The following PSG5 variants were observed in gnomAD, a reference collection of about 807,000 sequenced individuals.
The protein encoded by PSG5 is pregnancy specific beta-1-glycoprotein 5, also known as pregnancy-specific beta-1-glycoprotein 5.
PSG5 carries 53 observed loss-of-function variants against 37.7 expected under a neutral mutation model. The observed-to-expected ratio is 1.41, with a 90% CI of 1.13 to 1.77. PSG5 has a LOEUF of 1.77. Among genes scored for constraint, PSG5 ranks in the 40% most tolerant of loss-of-function variants. The pLI, the probability that PSG5 is intolerant of heterozygous loss-of-function variation, is 0.00. For missense variants in PSG5, 547 were observed against 405.2 expected (o/e 1.35, Z -3.00); for synonymous variants, 221 against 155.4 (o/e 1.42, Z -3.14).
chr19:43,169,761 T>C lies in PSG5; in HGVS notation c.*40+294A>G, dbSNP rs185811121. ...TATGGGAGTGTAGAGAATTACACTA[T>C]TGAGAGATGTTAAAAATAATGAAGA... is the stretch of plus-strand genomic sequence containing the variant. On this transcript the variant is annotated intron_variant, in intron 5 of 5. Coordinates refer to ENST00000342951, the MANE Select transcript of PSG5 (RefSeq NM_002781.4). 5.2e-3 allele frequency among the ~76,000 whole-genome samples: 782 copies of C among 151,666 alleles called. 18 individuals carry two copies. The highest frequency in any genetic ancestry group is 0.024 in the Middle Eastern group (7 of 294).
chr19:43,182,997 C>G (rs1046855625), intron 2 of PSG5, among the ~76,000 whole-genome samples: 7 of 150,740 alleles, frequency 4.6e-5, no homozygotes, highest in East Asian at 1.9e-4. Flanking sequence ...AACAGCCAGC[C>G]TAGTTAGAGG....
rs1319979698 is a variant in PSG5 at position 43,174,176 on chromosome 19, A to G, written c.964+1039T>C. On this transcript the variant is annotated intron_variant, in intron 4 of 5. Coordinates refer to ENST00000342951, the MANE Select transcript of PSG5 (RefSeq NM_002781.4). ...AGTTAGAATAGCCAGTTACATAGAG[A>G]CAGAATGTAGAATGGTGTGTGCTAA... 6 of 152,040 alleles carry G rather than the reference A, an allele frequency of 3.9e-5. 1 individual carries two copies. The South Asian group carries it at 1.0e-3, about 26-fold the overall frequency. 9.4% of individuals were successfully genotyped at this position (152,040 alleles called of 1,614,324 possible).
intron 5 of PSG5, among the ~76,000 whole-genome samples, chr19:43,168,916 T>A (rs1465772232): frequency 2.0e-5 from 3 of 151,598 alleles, no homozygotes; most frequent in Non-Finnish European, 4.4e-5. Context: ...TACTTCTAGC[T>A]GAAAATCATT....
chr19:43,182,862 C>A (rs1480463568), intron 2 of PSG5, among the ~76,000 whole-genome samples: 1 of 148,044 alleles, frequency 6.8e-6, no homozygotes, highest in Non-Finnish European at 1.5e-5. Context: ...AGCTCATTCT[C>A]TTAGTGACCT....
intron 4 of PSG5, among the ~76,000 whole-genome samples, chr19:43,171,983 C>CAAAAAAAAAAAAAAAAAAAAAAA (rs60198220): frequency 1.9e-5 from 2 of 105,138 alleles, no homozygotes; most frequent in African/African-American, 7.2e-5. Context: ...TCCCTCTCTT[C>CAAAAAAAAAAAAAAAAAAAAAAA]AAAAAAAAAA....
chr19:43,174,301 A>T (rs1968959596), intron 4 of PSG5: 6 of 376,488 alleles, frequency 1.6e-5, no homozygotes, highest in Non-Finnish European at 2.2e-5. Context: ...ATGGTTACAC[A>T]ACACTAAATT....
chr19:43,170,006 A>T, intron 5 of PSG5, 49 bp downstream of exon 5: 1 of 1,201,424 alleles, frequency 8.3e-7, no homozygotes, highest in Non-Finnish European at 1.2e-6. Context: ...TCTCCCAAGC[A>T]TGGCAGTCAG....
In PSG5 at chr19:43,175,619, G is replaced by A; in HGVS notation, c.710-150C>T. ...CTATATTCACTGAGCCAAAGCCTGA[G>A]GTATTCACCTGTTTCTCCCATCACA... On this transcript the variant is annotated intron_variant, in intron 3 of 5. Coordinates refer to ENST00000342951, the MANE Select transcript of PSG5 (RefSeq NM_002781.4). 19 of 1,419,796 alleles carry A rather than the reference G, an allele frequency of 1.3e-5. 1 individual carries two copies. Among genetic ancestry groups the A allele is most frequent in the Non-Finnish European group, 1.8e-5 (19 of 1,053,292 alleles). 87.9% of individuals were successfully genotyped at this position (1,419,796 alleles called of 1,614,324 possible). A position where few individuals can be genotyped will look rare whatever the true frequency, so the allele number is the denominator to read the frequency against.
At chr19:43,182,839 G>A (rs1372734273) in intron 2 of PSG5, among the ~76,000 whole-genome samples, 1 of 147,402 alleles carries the variant, frequency 6.8e-6, no homozygotes, top group African/African-American at 2.5e-5. Flanking sequence ...GCCCTGGATG[G>A]GAATACAGTG....
In PSG5 at chr19:43,176,694, G is replaced by A. The variant is rs1027309026; in HGVS notation, c.431-546C>T. Reference sequence around the variant, plus strand: ...ATAACACAGGAGAGACCAGAGTCAAGCCTGGAGGTCAGTTCAGTCATCAGC... The same window carrying A: ...ATAACACAGGAGAGACCAGAGTCAAACCTGGAGGTCAGTTCAGTCATCAGC... On this transcript the variant is annotated intron_variant, in intron 2 of 5. Transcript: ENST00000342951. 4.6e-4 allele frequency among the ~76,000 whole-genome samples: 69 copies of A among 150,890 alleles called. 3 individuals are homozygous for A. The highest frequency in any genetic ancestry group is 1.6e-3 in the African/African-American group (64 of 40,872).
Position 43,184,859 on chromosome 19 carries a change from C to T in PSG5, c.353G>A (p.Gly118Glu), listed in dbSNP as rs767117184. The change falls in exon 2 of 6, where the codon GGA (glycine) becomes GAA (glutamate). Residue 118 changes from glycine (G) to glutamate (E), a missense_variant. Physicochemically the swap from Gly to Glu is moderately conservative, Grantham distance 98 (BLOSUM62 -2). Coordinates refer to ENST00000342951, the MANE Select transcript of PSG5 (RefSeq NM_002781.4). ...CTTTATGATGTGTAAGGTGTAGGAT[C>T]CTGCGTCTTCCCGGGTGACATTCTG... ...LIQNVTREDA[G>E]SYTLHIIKRG... is the part of the protein sequence containing the mutation. 2 of 1,612,538 alleles carry T rather than the reference C, an allele frequency of 1.2e-6. No homozygotes were observed. Among genetic ancestry groups the T allele is most frequent in the Non-Finnish European group, 1.7e-6 (2 of 1,179,146 alleles).
chr19:43,170,656 T>G (rs985083540), intron 4 of PSG5: 1 of 223,638 alleles, frequency 4.5e-6, no homozygotes, highest in Non-Finnish European at 9.8e-6. Flanking sequence ...TCTTTAACTC[T>G]AAAGGGTGAC....
chr19:43,174,316 A>G, intron 4 of PSG5: 1 of 466,976 alleles, frequency 2.1e-6, no homozygotes, highest in Non-Finnish European at 2.8e-6. Context: ...TAAATTGCAC[A>G]CATAGAAATA....
intron 2 of PSG5, among the ~76,000 whole-genome samples, chr19:43,177,881 A>G (rs1407892644): frequency 3.3e-5 from 5 of 151,534 alleles, no homozygotes; most frequent in Non-Finnish European, 7.4e-5. Context: ...TATTGATATC[A>G]TCTTTAATTT....
At chr19:43,183,462 G>A (rs373971517) in intron 2 of PSG5, 3 of 529,464 alleles carry the variant, frequency 5.7e-6, no homozygotes, top group Admixed American at 1.9e-5. Context: ...GGCCTGTGCT[G>A]GAGCAGGGTC....
intron 2 of PSG5, chr19:43,183,443 C>T: frequency 1.9e-6 from 1 of 529,728 alleles, no homozygotes; most frequent in Middle Eastern, 6.6e-4. Flanking sequence ...GAGTGTGTGT[C>T]TCTCGCTGGG....
intron 2 of PSG5, among the ~76,000 whole-genome samples, chr19:43,179,634 A>G (rs1969085896): frequency 6.6e-6 from 1 of 151,714 alleles, no homozygotes; most frequent in South Asian, 2.1e-4. Flanking sequence ...CCCTTTGGGT[A>G]CTGGAAAGCC....
At chr19:43,185,779 T>C (rs533894999) in intron 1 of PSG5, among the ~76,000 whole-genome samples, 1 of 151,130 alleles carries the variant, frequency 6.6e-6, no homozygotes, top group East Asian at 1.9e-4. Flanking sequence ...CTGAGGACAG[T>C]GTTTCATGTC....
At chr19:43,177,767 G>A (rs1230025626) in intron 2 of PSG5, among the ~76,000 whole-genome samples, 1 of 151,512 alleles carries the variant, frequency 6.6e-6, no homozygotes, top group Non-Finnish European at 1.5e-5. Context: ...ATGTTACTGG[G>A]ATTCTGGTAG....
Sources: allele counts gnomAD v4.1 joint callset (sites outside exome capture counted in the v4.1 genomes callset), GRCh38; gene constraint gnomAD v4.1.1; transcripts MANE v1.5; gene names NCBI Gene and HGNC (gene_info 2026-07-23, HGNC 2026-07-21).